The following SUMF1 variants were observed in gnomAD, a reference collection of about 807,000 sequenced individuals.
SUMF1 encodes formylglycine-generating enzyme.
SUMF1 carries 48 observed loss-of-function variants against 47.6 expected under a neutral mutation model. The ratio of observed to expected loss-of-function variants is 1.01; its 90% CI spans 0.80 to 1.28. The LOEUF (loss-of-function observed/expected upper bound fraction) is 1.28, where lower values mean the gene tolerates loss of function less well. Ranked by LOEUF, SUMF1 falls within the 50% of genes most tolerant of loss-of-function variation. SUMF1 has a pLI of 0.00. For missense variants in SUMF1, 571 were observed against 485.4 expected (o/e 1.18, Z -1.66); for synonymous variants, 230 against 192.1 (o/e 1.20, Z -1.63).
chr3:4,268,085 AG>A (rs1332437995), intron 8 of SUMF1, among the ~76,000 whole-genome samples: 1 of 152,250 alleles, frequency 6.6e-6, no homozygotes, highest in Non-Finnish European at 1.5e-5. Flanking sequence ...TGTTCTTTGT[AG>A]GGACATGGAT....
intron 3 of SUMF1, among the ~76,000 whole-genome samples, chr3:4,442,286 C>T (rs961735907): frequency 6.7e-6 from 1 of 148,244 alleles, no homozygotes; most frequent in South Asian, 2.1e-4. Context: ...GACGGAGTCT[C>T]GCTCTGTCGC....
chr3:4,353,424 T>A (rs1699548816), intron 8 of SUMF1, among the ~76,000 whole-genome samples: 1 of 152,166 alleles, frequency 6.6e-6, no homozygotes, highest in Non-Finnish European at 1.5e-5. Context: ...GGCTAATTTT[T>A]TGTATTTTTA....
intron 8 of SUMF1, among the ~76,000 whole-genome samples, chr3:4,187,232 AATG>A (rs1462572517): frequency 6.6e-6 from 1 of 152,064 alleles, no homozygotes; most frequent in Non-Finnish European, 1.5e-5. Flanking sequence ...TAGCCAGCGC[AATG>A]TCAGGTACCT....
chr3:4,081,344 G>A (rs988360750), intron 8 of SUMF1, among the ~76,000 whole-genome samples: 3 of 151,944 alleles, frequency 2.0e-5, no homozygotes, highest in Middle Eastern at 3.4e-3. Context: ...TTCACTGCCT[G>A]CTTCTACTCA....
At chr3:4,407,085 G>GACACACACACACAC (rs113556805) in intron 7 of SUMF1, among the ~76,000 whole-genome samples, 85 of 148,658 alleles carry the variant, frequency 5.7e-4, no homozygotes, top group African/African-American at 1.7e-3. Flanking sequence ...ACACACATGG[G>GACACACACACACAC]ACACACACAC....
chr3:4,166,691 C>A (rs1694714096), intron 8 of SUMF1, among the ~76,000 whole-genome samples: 1 of 152,122 alleles, frequency 6.6e-6, no homozygotes, highest in East Asian at 1.9e-4. Flanking sequence ...ACAGATAGGA[C>A]AGATGGGCGA....
At chr3:4,459,322 G>T (rs896488959) in intron 1 of SUMF1, among the ~76,000 whole-genome samples, 2 of 151,776 alleles carry the variant, frequency 1.3e-5, no homozygotes, top group African/African-American at 4.8e-5. Flanking sequence ...AAAATTATTT[G>T]TCAATTAAAA....
At chr3:4,211,229 C>CATATATATATATATATATATATATA (rs1479579920) in intron 8 of SUMF1, among the ~76,000 whole-genome samples, 1 of 55,554 alleles carries the variant, frequency 1.8e-5, no homozygotes, top group Non-Finnish European at 4.0e-5. Context: ...TATATATATC[C>CATATATATATATATATATATATATA]TATTAGTTCT....
chr3:4,458,087 T>C (rs557195456), intron 1 of SUMF1, among the ~76,000 whole-genome samples: 1 of 152,226 alleles, frequency 6.6e-6, no homozygotes, highest in South Asian at 2.1e-4. Context: ...CGAATAGACA[T>C]TGCTCAAAAG....
chr3:4,275,162 T>C (rs1177528903), intron 8 of SUMF1, among the ~76,000 whole-genome samples: 2 of 152,002 alleles, frequency 1.3e-5, no homozygotes, highest in African/African-American at 2.4e-5. Flanking sequence ...CTATGAGAAA[T>C]TAGAAAAAGA....
intron 3 of SUMF1, among the ~76,000 whole-genome samples, chr3:4,421,324 A>C (rs711662): frequency 0.23 from 34,996 of 152,106 alleles, 5,014 homozygotes; most frequent in Non-Finnish European, 0.32. Context: ...TATAATACGC[A>C]TACAGGACTT....
intron 9 of SUMF1, among the ~76,000 whole-genome samples, chr3:4,042,881 A>C (rs975500413): frequency 1.3e-5 from 2 of 152,074 alleles, no homozygotes; most frequent in Admixed American, 1.3e-4. Context: ...CTCCCAAGGC[A>C]AGTCCAGTGC....
chr3:4,075,308 C>G (rs977835023), intron 8 of SUMF1, among the ~76,000 whole-genome samples: 1 of 152,056 alleles, frequency 6.6e-6, no homozygotes, highest in Admixed American at 6.6e-5. Flanking sequence ...ATGCTAAAAA[C>G]TCTCAATAAA....
chr3:4,214,281 A>C (rs1695866847), intron 8 of SUMF1, among the ~76,000 whole-genome samples: 1 of 152,206 alleles, frequency 6.6e-6, no homozygotes, highest in African/African-American at 2.4e-5. Flanking sequence ...AACCACATGG[A>C]AACTTAACAA....
chr3:4,110,595 A>C (rs1191205547), intron 8 of SUMF1, among the ~76,000 whole-genome samples: 1 of 152,010 alleles, frequency 6.6e-6, no homozygotes, highest in Non-Finnish European at 1.5e-5. Flanking sequence ...AACCAACCCA[A>C]ATGTCCAACA....
At chr3:4,439,733 T>A (rs1412985991) in intron 3 of SUMF1, among the ~76,000 whole-genome samples, 1 of 151,804 alleles carries the variant, frequency 6.6e-6, no homozygotes, top group Non-Finnish European at 1.5e-5. Flanking sequence ...AATTTTTATT[T>A]TTTTTTTAAT....
intron 8 of SUMF1, among the ~76,000 whole-genome samples, chr3:4,255,681 C>A (rs1409114027): frequency 3.6e-5 from 5 of 139,876 alleles, no homozygotes; most frequent in Admixed American, 7.1e-5. Context: ...CTTTAACACC[C>A]CATTGTCAAC....
chr3:4,377,965 G>A (rs576792576), intron 7 of SUMF1, among the ~76,000 whole-genome samples: 34 of 152,244 alleles, frequency 2.2e-4, no homozygotes, highest in African/African-American at 7.7e-4. Flanking sequence ...AAAGAATCAC[G>A]TTTTCTCCAA....
chr3:4,185,062 T>C (rs764327197), intron 8 of SUMF1, among the ~76,000 whole-genome samples: 2 of 152,212 alleles, frequency 1.3e-5, no homozygotes, highest in Non-Finnish European at 2.9e-5. Context: ...TAAAATTTTA[T>C]GAGATGATTA....
Sources: allele counts gnomAD v4.1 joint callset (sites outside exome capture counted in the v4.1 genomes callset), GRCh38; gene constraint gnomAD v4.1.1; transcripts MANE v1.5; gene names NCBI Gene and HGNC (gene_info 2026-07-23, HGNC 2026-07-21).